LRRTM4: variants seen among roughly 807,000 people sequenced by gnomAD.
The protein encoded by LRRTM4 is leucine-rich repeat transmembrane neuronal protein 4.
A neutral mutation model predicts 47.6 loss-of-function variants in LRRTM4; 25 were observed. That is an observed-to-expected ratio of 0.53 (90% CI 0.38 to 0.73). The LOEUF (loss-of-function observed/expected upper bound fraction) is 0.73, where lower values mean the gene tolerates loss of function less well. LRRTM4 is among the 30% of genes least tolerant of loss of function. The pLI is 0.00. For synonymous variants in LRRTM4, 311 were observed against 269.5 expected (o/e 1.15, Z -1.51); for missense variants, 638 against 713.4 (o/e 0.89, Z 1.20).
chr2:76,950,877 A>G (rs1312932330), intron 3 of LRRTM4, among the ~76,000 whole-genome samples: 1 of 152,072 alleles, frequency 6.6e-6, no homozygotes, highest in Non-Finnish European at 1.5e-5. Context: ...AGATGTCAGA[A>G]AAACCTCATT....
At chr2:77,066,681 A>G (rs1368282563) in intron 3 of LRRTM4, among the ~76,000 whole-genome samples, 2 of 152,232 alleles carry the variant, frequency 1.3e-5, no homozygotes, top group Non-Finnish European at 2.9e-5. Flanking sequence ...TCGTATAGAG[A>G]TATGTAGGCA....
intron 3 of LRRTM4, among the ~76,000 whole-genome samples, chr2:77,469,045 G>C (rs1396408841): frequency 6.6e-6 from 1 of 152,242 alleles, no homozygotes; most frequent in Non-Finnish European, 1.5e-5. Flanking sequence ...TGGAGCCTCA[G>C]TCAAGGAGTA....
At chr2:77,080,336 T>C (rs2103853584) in intron 3 of LRRTM4, among the ~76,000 whole-genome samples, 1 of 152,278 alleles carries the variant, frequency 6.6e-6, no homozygotes, top group East Asian at 1.9e-4. Context: ...TTGAGCACTG[T>C]CCTTGATCAC....
chr2:77,435,997 A>C (rs1027487377), intron 3 of LRRTM4, among the ~76,000 whole-genome samples: 10 of 152,162 alleles, frequency 6.6e-5, no homozygotes, highest in Admixed American at 1.3e-4. Context: ...TAATTCATTT[A>C]TATCATTCAC....
chr2:77,505,632 A>G (rs1678737518), intron 3 of LRRTM4, among the ~76,000 whole-genome samples: 1 of 151,564 alleles, frequency 6.6e-6, no homozygotes, highest in African/African-American at 2.4e-5. Context: ...GAAGATAAAC[A>G]TTGTGTTTTG....
At chr2:77,165,391 G>T (rs1672851882) in intron 3 of LRRTM4, among the ~76,000 whole-genome samples, 2 of 152,086 alleles carry the variant, frequency 1.3e-5, no homozygotes, top group African/African-American at 2.4e-5. Flanking sequence ...GTACAAAGAG[G>T]AGCTGGTGCC....
At chr2:77,142,634 A>G (rs146259503) in intron 3 of LRRTM4, among the ~76,000 whole-genome samples, 8 of 152,314 alleles carry the variant, frequency 5.3e-5, no homozygotes, top group Non-Finnish European at 8.8e-5. Context: ...CAGTATTAAT[A>G]TAATAACAAG....
chr2:76,959,322 T>C (rs1675776659), intron 3 of LRRTM4, among the ~76,000 whole-genome samples: 1 of 151,488 alleles, frequency 6.6e-6, no homozygotes, highest in Non-Finnish European at 1.5e-5. Context: ...TAGCATGCCC[T>C]TCCTAGAAAA....
At chr2:77,420,855 G>A (rs1674849311) in intron 3 of LRRTM4, among the ~76,000 whole-genome samples, 1 of 144,586 alleles carries the variant, frequency 6.9e-6, no homozygotes, top group Admixed American at 7.1e-5. Context: ...CCCTTTCAGT[G>A]GACAAAATGG....
At chr2:77,047,339 A>T (rs1186085901) in intron 3 of LRRTM4, among the ~76,000 whole-genome samples, 1 of 152,020 alleles carries the variant, frequency 6.6e-6, no homozygotes, top group African/African-American at 2.4e-5. Context: ...TTAAAAGTGC[A>T]ATATATTAGT....
intron 3 of LRRTM4, among the ~76,000 whole-genome samples, chr2:76,954,925 A>G (rs1255771070): frequency 6.6e-6 from 1 of 151,706 alleles, no homozygotes; most frequent in Non-Finnish European, 1.5e-5. Flanking sequence ...ACAAAACAAA[A>G]ACAAAAACAA....
chr2:77,519,404 GC>G lies in LRRTM4; in HGVS notation c.464del (p.Gly155AlafsTer10). On this transcript the variant is annotated frameshift_variant, in exon 3 of 4. Transcript: ENST00000409884. LOFTEE classifies it high-confidence loss of function. This position sits in a 1 kb window ranked among gnomAD's most constrained non-coding sequence, Gnocchi z 4.6. ...LQTLQSEQFK[G>X]LRKLIILHLR... ...AGTGCAAAATGATGAGTTTCCGAAG[GC>G]CTTTAAATTGTTCAGATTGCAATGT... 6.2e-7 allele frequency: 1 copy of G among 1,613,378 alleles called. No individual in the cohort carries two copies. Among genetic ancestry groups the G allele is most frequent in the Non-Finnish European group, 8.5e-7 (1 of 1,179,602 alleles).
chr2:76,857,410 G>A (rs551403612), intron 3 of LRRTM4, among the ~76,000 whole-genome samples: 1 of 151,062 alleles, frequency 6.6e-6, no homozygotes, highest in Non-Finnish European at 1.5e-5. Context: ...AGATACAAAT[G>A]TGTGTTATTT....
At chr2:77,120,019 G>A (rs184507532) in intron 3 of LRRTM4, among the ~76,000 whole-genome samples, 1 of 151,830 alleles carries the variant, frequency 6.6e-6, no homozygotes, top group Admixed American at 6.6e-5. Flanking sequence ...CTACTGGTTG[G>A]GCAGATCTCT....
At chr2:76,863,271 A>T (rs1672371411) in intron 3 of LRRTM4, among the ~76,000 whole-genome samples, 1 of 152,180 alleles carries the variant, frequency 6.6e-6, no homozygotes, top group African/African-American at 2.4e-5. Context: ...GACTGTTTTG[A>T]AATTTGCCAG....
chr2:77,359,602 G>T (rs1672100859), intron 3 of LRRTM4, among the ~76,000 whole-genome samples: 1 of 152,150 alleles, frequency 6.6e-6, no homozygotes, highest in African/African-American at 2.4e-5. Context: ...GATCATTAAG[G>T]TTTTTCAGTC....
intron 3 of LRRTM4, among the ~76,000 whole-genome samples, chr2:77,113,626 G>C (rs1671310150): frequency 6.6e-6 from 1 of 152,070 alleles, no homozygotes; most frequent in Non-Finnish European, 1.5e-5. Context: ...ACCGGTATGA[G>C]AGTGTGAGAA....
At chr2:77,206,266 C>T (rs189613483) in intron 3 of LRRTM4, among the ~76,000 whole-genome samples, 41 of 151,364 alleles carry the variant, frequency 2.7e-4, no homozygotes, top group Admixed American at 1.8e-3. Flanking sequence ...GTAACCTCTG[C>T]GTCCTGGGTT....
At chr2:76,755,266 G>C (rs1672987533) in intron 3 of LRRTM4, among the ~76,000 whole-genome samples, 1 of 152,148 alleles carries the variant, frequency 6.6e-6, no homozygotes, top group Admixed American at 6.5e-5. Flanking sequence ...GTTTTGCAAA[G>C]ATAAGACAGC....
Sources: gnomAD v4.1 joint callset for allele counts (sites outside exome capture counted in the v4.1 genomes callset) on GRCh38, gnomAD v4.1.1 for gene constraint, Gnocchi (gnomAD v3.1) non-coding constraint, MANE v1.5 for transcripts, NCBI Gene and HGNC (gene_info 2026-07-23, HGNC 2026-07-21) for gene names.